Variants in CDH12 observed in about 807,000 individuals in gnomAD.
CDH12 encodes cadherin 12.
Under a neutral mutation model 74.1 loss-of-function variants are expected in CDH12, and 41 were observed. That is an observed-to-expected ratio of 0.55 (90% CI 0.43 to 0.72). The LOEUF is 0.72. Among genes scored for constraint, CDH12 ranks in the 30% least tolerant of loss-of-function variants. The pLI, the probability that CDH12 is intolerant of heterozygous loss-of-function variation, is 0.00. For missense variants in CDH12, 945 were observed against 977.2 expected, an observed-to-expected ratio of 0.97 and a Z score of 0.44; for synonymous variants, 399 against 355.0, an observed-to-expected ratio of 1.12 and a Z score of -1.39.
chr5:21,993,555 G>A (rs1736091265), intron 5 of CDH12, among the ~76,000 whole-genome samples: 1 of 152,178 alleles, frequency 6.6e-6, no homozygotes, highest in Admixed American at 6.5e-5. Context: ...CAACCTGCAG[G>A]AGTTGAACTA....
chr5:22,220,256 G>C (rs1751966611), intron 3 of CDH12, among the ~76,000 whole-genome samples: 1 of 151,666 alleles, frequency 6.6e-6, no homozygotes, highest in Admixed American at 6.6e-5. Context: ...CATAAATTGG[G>C]TGATTCTACA....
chr5:21,945,298 T>G (rs566634327), intron 6 of CDH12, among the ~76,000 whole-genome samples: 1 of 151,846 alleles, frequency 6.6e-6, no homozygotes, highest in Non-Finnish European at 1.5e-5. Flanking sequence ...CATTGGCACA[T>G]GCCTGTAATC....
intron 5 of CDH12, among the ~76,000 whole-genome samples, chr5:22,044,785 T>C (rs899932668): frequency 1.3e-5 from 2 of 152,212 alleles, no homozygotes; most frequent in Non-Finnish European, 2.9e-5. Context: ...TAGACTTCTA[T>C]CTCTCACCAT....
At position 22,444,049 on chromosome 5, in the gene CDH12, G is replaced by A. The variant is rs189103324; in HGVS notation, c.-427-38698C>T. 3.6e-3 allele frequency among the ~76,000 whole-genome samples: 545 copies of A among 152,146 alleles called. 2 individuals carry two copies. Among genetic ancestry groups the A allele is most frequent in the Middle Eastern group, 0.01 (3 of 292 alleles). On this transcript the variant is annotated intron_variant, in intron 2 of 14. Coordinates refer to ENST00000382254, the MANE Select transcript of CDH12 (RefSeq NM_004061.5). Reference sequence around the variant, plus strand: ...ATTATCAATTTTCAAAGCAAATTTAGAGCCATAAGAGGCTAAAATAACAAA... The same window carrying A: ...ATTATCAATTTTCAAAGCAAATTTAAAGCCATAAGAGGCTAAAATAACAAA...
At chr5:22,214,370 G>C (rs541904008) in intron 3 of CDH12, among the ~76,000 whole-genome samples, 22 of 152,236 alleles carry the variant, frequency 1.4e-4, no homozygotes, top group African/African-American at 5.1e-4. Context: ...TGTAAAGCAG[G>C]AAACCCATTA....
chr5:22,315,187 C>A lies in CDH12; in HGVS notation c.-333+90070G>T, dbSNP rs565657210. ...CCGTGTTAGCCGGGATGGTCTCGAT[C>A]TCCTGACCTTGTGATCTGCCCGCCT... On this transcript the variant is annotated intron_variant, in intron 3 of 14. Transcript: ENST00000382254. Among the ~76,000 whole-genome samples the A allele has an allele frequency of 2.5e-3, 335 of 131,894 alleles. 3 individuals carry two copies. The highest frequency in any genetic ancestry group is 8.8e-3 in the African/African-American group (311 of 35,406). 86.5% of individuals were successfully genotyped at this position (131,894 alleles called of 152,430 possible). A position where few individuals can be genotyped will look rare whatever the true frequency, so the allele number is the denominator to read the frequency against.
chr5:21,778,506 G>T (rs1579684156), intron 11 of CDH12, among the ~76,000 whole-genome samples: 1 of 126,212 alleles, frequency 7.9e-6, no homozygotes, highest in African/African-American at 3.0e-5. Context: ...AGACGATTCT[G>T]CCGGAAAAAT....
chr5:22,683,414 A>G (rs72746695), intron 1 of CDH12, among the ~76,000 whole-genome samples: 11,656 of 152,222 alleles, frequency 0.077, 597 homozygotes, highest in Non-Finnish European at 0.11. Context: ...AGTAACACAC[A>G]TGTAATCTAG....
At chr5:22,664,033 A>C (rs751216949) in intron 1 of CDH12, among the ~76,000 whole-genome samples, 25 of 152,174 alleles carry the variant, frequency 1.6e-4, no homozygotes, top group Non-Finnish European at 3.7e-4. Flanking sequence ...TTTATTATGC[A>C]GATTACCGTG....
intron 3 of CDH12, among the ~76,000 whole-genome samples, chr5:22,217,613 A>G (rs1356804708): frequency 6.6e-6 from 1 of 151,746 alleles, no homozygotes; most frequent in Non-Finnish European, 1.5e-5. Flanking sequence ...AATTAGATAA[A>G]TAATATGTAA....
intron 4 of CDH12, among the ~76,000 whole-genome samples, chr5:22,102,416 C>T (rs1464618235): frequency 6.6e-6 from 1 of 152,126 alleles, no homozygotes; most frequent in Non-Finnish European, 1.5e-5. Context: ...CGCCTGTTAT[C>T]CCAGCACTTT....
At position 22,058,259 on chromosome 5, in the gene CDH12, G is replaced by A. The variant is rs190863864; in HGVS notation, c.231+20187C>T. Among the ~76,000 whole-genome samples the A allele has an allele frequency of 3.4e-4, 51 of 152,066 alleles. No individual in the cohort carries two copies. In the South Asian group the frequency reaches 5.2e-3, roughly 15 times the overall value. On this transcript the variant is annotated intron_variant, in intron 5 of 14. Transcript: ENST00000382254. The stretch of plus-strand genomic sequence containing the variant: ...TTTAGTAGAGACGGGGCTTCACCGC[G>A]TTGCCCAGGCTGGTCTCAAACTCTT...
chr5:21,938,680 TTATATA>T (rs902386809), intron 6 of CDH12, among the ~76,000 whole-genome samples: 1 of 144,236 alleles, frequency 6.9e-6, no homozygotes, highest in East Asian at 2.0e-4. Context: ...TTTAAGAATT[TTATATA>T]TATAATATAT....
At chr5:21,877,534 C>T (rs1000973539) in intron 6 of CDH12, among the ~76,000 whole-genome samples, 6 of 152,226 alleles carry the variant, frequency 3.9e-5, no homozygotes, top group Non-Finnish European at 8.8e-5. Context: ...TAAGAAAATA[C>T]TTTTGATCAG....
At chr5:21,870,685 C>A (rs997680962) in intron 6 of CDH12, among the ~76,000 whole-genome samples, 3 of 152,142 alleles carry the variant, frequency 2.0e-5, no homozygotes, top group African/African-American at 7.2e-5. Context: ...GCTTCTCCAT[C>A]CTCTTTATCT....
At chr5:22,616,958 G>T (rs1326410908) in intron 1 of CDH12, among the ~76,000 whole-genome samples, 2 of 151,908 alleles carry the variant, frequency 1.3e-5, no homozygotes, top group African/African-American at 2.4e-5. Context: ...TTGAACTCCT[G>T]GGCTCAAGTA....
chr5:22,073,730 T>A (rs946685490), intron 5 of CDH12, among the ~76,000 whole-genome samples: 3 of 152,282 alleles, frequency 2.0e-5, no homozygotes, highest in South Asian at 2.1e-4. Flanking sequence ...CAGTTTGTGC[T>A]TTCTTGCAAG....
In CDH12 at chr5:21,842,055, A is replaced by G. The variant is rs1579815376; in HGVS notation, c.814+106T>C. 6 of 875,944 alleles carry G rather than the reference A, an allele frequency of 6.8e-6. No homozygotes were observed. The East Asian group carries it at 1.0e-4, about 15-fold the overall frequency. The allele number at this position is 875,944 out of a possible 1,614,324, so 54.3% of individuals were successfully genotyped here. A position where few individuals can be genotyped will look rare whatever the true frequency, so the allele number is the denominator to read the frequency against. On this transcript the variant is annotated intron_variant, in intron 8 of 14. Transcript: ENST00000382254. ...TTTAATCCATTAGCTTCTGCTTCCT[A>G]AAGACTAAGTGTCTGGAAAATGATT...
intron 3 of CDH12, among the ~76,000 whole-genome samples, chr5:22,264,003 G>GA (rs918864555): frequency 3.2e-4 from 48 of 151,640 alleles, no homozygotes; most frequent in African/African-American, 1.0e-3. Context: ...CCTACCATTA[G>GA]AAAAAAATGG....
Sources: gnomAD v4.1 joint callset for allele counts (sites outside exome capture counted in the v4.1 genomes callset) on GRCh38, gnomAD v4.1.1 for gene constraint, MANE v1.5 for transcripts, NCBI Gene and HGNC (gene_info 2026-07-23, HGNC 2026-07-21) for gene names.